BCAP31: variants seen among roughly 807,000 people sequenced by gnomAD.
BCAP31 encodes B-cell receptor-associated protein 31.
For synonymous variants in BCAP31, 75 were observed against 80.9 expected (o/e 0.93, Z 0.39); for missense variants, 124 against 193.0 (o/e 0.64, Z 2.12).
chrX:153,703,014 C>T lies in BCAP31; in HGVS notation c.522G>A (p.Glu174=). The change falls in exon 6 of 8, where the codon GAG becomes GAA. Residue 174 remains glutamate (E), a synonymous_variant. Coordinates refer to ENST00000345046, the MANE Select transcript of BCAP31 (RefSeq NM_001256447.2). ...TCCTGTTCTCTTCCTCCAACTTCAC[C>T]TCAGCATTCCCGACATCCAACTTGC... ...DGGKLDVGNA[E]VKLEEENRSL... 2.5e-6 allele frequency: 3 copies of T among 1,210,286 alleles called. No individual in the cohort carries two copies. Among genetic ancestry groups the T allele is most frequent in the Non-Finnish European group, 3.4e-6 (3 of 895,374 alleles).
chrX:153,707,595 G>A (rs1270171932), intron 4 of BCAP31, among the ~76,000 whole-genome samples: 2 of 112,007 alleles, frequency 1.8e-5, no homozygotes, highest in African/African-American at 6.5e-5. Context: ...CAACAGAGGA[G>A]ACAGAAGACA....
At chrX:153,721,588 T>C (rs2091667268) in intron 2 of BCAP31, among the ~76,000 whole-genome samples, 1 of 100,414 alleles carries the variant, frequency 1.0e-5, no homozygotes, top group African/African-American at 3.7e-5. Context: ...GGAAAACTAA[T>C]CTTAAACGTG....
chrX:153,701,994 C>T lies in BCAP31; in HGVS notation c.702+13G>A, dbSNP rs369919013. The T allele has an allele frequency of 1.1e-4, 137 of 1,205,323 alleles. No individual in the cohort carries two copies. Among genetic ancestry groups the T allele is most frequent in the African/African-American group, 9.8e-4 (56 of 57,381 alleles). On this transcript the variant is annotated intron_variant, in intron 7 of 7. Transcript: ENST00000345046. ...CTCTCCTGCCCTGGGCGCAGCAATA[C>T]GGGAGGGCTGACCTGCAGCTTTGCG...
At chrX:153,716,532 A>T (rs934641319) in intron 3 of BCAP31, among the ~76,000 whole-genome samples, 1 of 103,082 alleles carries the variant, frequency 9.7e-6, no homozygotes, top group Non-Finnish European at 2.0e-5. Flanking sequence ...CTTGAGGCCA[A>T]CGAGTTCAAG....
intron 4 of BCAP31, among the ~76,000 whole-genome samples, chrX:153,708,202 G>A (rs781900978): frequency 2.7e-5 from 3 of 112,410 alleles, no homozygotes; most frequent in East Asian, 2.8e-4. Context: ...CAGGGCTATC[G>A]TGCTTTTATA....
chrX:153,717,924 A>C (rs192550211), intron 3 of BCAP31, among the ~76,000 whole-genome samples: 372 of 112,720 alleles, frequency 3.3e-3, no homozygotes, highest in Middle Eastern at 9.1e-3. Flanking sequence ...AAGTATTTGC[A>C]TAAATTTGCA....
intron 4 of BCAP31, 59 bp downstream of exon 4, chrX:153,715,483 T>C: frequency 8.5e-7 from 1 of 1,180,408 alleles, no homozygotes; most frequent in Non-Finnish European, 1.1e-6. Context: ...CTGAGCTCGG[T>C]GTCCATGGCT....
intron 1 of BCAP31, chrX:153,723,560 T>A (rs986827369): frequency 1.2e-5 from 14 of 1,168,148 alleles, no homozygotes; most frequent in Non-Finnish European, 1.6e-5. Flanking sequence ...CTCCCGACGA[T>A]CCCTGCCCCA....
intron 5 of BCAP31, among the ~76,000 whole-genome samples, chrX:153,703,330 CTGGCCCT>C (rs1397371407): frequency 8.9e-6 from 1 of 112,472 alleles, no homozygotes; most frequent in Non-Finnish European, 1.9e-5. Flanking sequence ...CCCCTGGCCC[CTGGCCCT>C]GCCTCCTTCC....
intron 2 of BCAP31, 100 bp from the exon 3 acceptor site, chrX:153,721,072 A>G (rs1362927785): frequency 7.5e-6 from 5 of 666,495 alleles, no homozygotes; most frequent in South Asian, 5.5e-5. Flanking sequence ...CTCTTCTCCA[A>G]TGGCCGAATA....
At chrX:153,705,882 T>C (rs1307962699) in intron 4 of BCAP31, among the ~76,000 whole-genome samples, 2 of 112,069 alleles carry the variant, frequency 1.8e-5, no homozygotes, top group African/African-American at 3.2e-5. Context: ...CGGCTGCTGG[T>C]GAGTGCCCAT....
chrX:153,721,198 G>C, intron 2 of BCAP31: 1 of 355,684 alleles, frequency 2.8e-6, no homozygotes, highest in Non-Finnish European at 4.9e-6. Context: ...CACTTTGGGA[G>C]ACCAAGGTGG....
At chrX:153,704,967 T>G (rs1557048101) in intron 4 of BCAP31, 1 of 111,938 alleles carries the variant, frequency 8.9e-6, no homozygotes, top group African/African-American at 3.3e-5. Context: ...GAATGGCCAC[T>G]TCATTTCCCT....
intron 1 of BCAP31, chrX:153,724,004 A>C: frequency 2.7e-6 from 1 of 371,995 alleles, no homozygotes; most frequent in Non-Finnish European, 5.1e-6. Flanking sequence ...CTCAGAAGCC[A>C]GGGGTCCTTA....
rs994895923 is a variant in BCAP31, at chrX:153,718,413, T to C, written c.193+2459A>G. Among the ~76,000 whole-genome samples the C allele has an allele frequency of 3.6e-5, 4 of 110,444 alleles. No homozygotes were observed. In the Admixed American group the frequency reaches 3.9e-4, roughly 11 times the overall value. On this transcript the variant is annotated intron_variant, in intron 3 of 7. Transcript: ENST00000345046. The stretch of plus-strand genomic sequence containing the variant: ...TAGGCTCTGCTATGGACAGCAGTCT[T>C]ATCTCAGAGCTGTGCTACCAGCTCA...
Position 153,711,726 on chromosome X carries a change from G to A in BCAP31, c.341+3816C>T, listed in dbSNP as rs190568879. Among the ~76,000 whole-genome samples the A allele has an allele frequency of 4.6e-4, 51 of 110,521 alleles. 1 individual carries two copies. Among genetic ancestry groups the A allele is most frequent in the African/African-American group, 1.6e-3 (48 of 30,452 alleles). On this transcript the variant is annotated intron_variant, in intron 4 of 7. Coordinates refer to ENST00000345046, the MANE Select transcript of BCAP31 (RefSeq NM_001256447.2). ...AGAGACGACCAGCCTGGCCAACAGG[G>A]CAAAACCGTCTCTACTAAAAATACA...
At chrX:153,723,696 A>C (rs1557051630) in intron 1 of BCAP31, 1 of 1,150,488 alleles carries the variant, frequency 8.7e-7, no homozygotes. Context: ...GGCAGAACTC[A>C]GCCGCAGAGG....
chrX:153,719,207 G>A (rs1557050588), intron 3 of BCAP31, among the ~76,000 whole-genome samples: 1 of 111,597 alleles, frequency 9.0e-6, no homozygotes, highest in African/African-American at 3.3e-5. Flanking sequence ...GAAGGGGCAA[G>A]ACCCTGAGGG....
intron 4 of BCAP31, chrX:153,715,327 G>A (rs1557049885): frequency 2.2e-5 from 10 of 458,753 alleles, no homozygotes; most frequent in East Asian, 3.8e-5. Flanking sequence ...AGGGTCTTCT[G>A]ATATTTCAGG....
Sources: gnomAD v4.1 joint callset for allele counts (sites outside exome capture counted in the v4.1 genomes callset) on GRCh38, gnomAD v4.1.1 for gene constraint, MANE v1.5 for transcripts, NCBI Gene and HGNC (gene_info 2026-07-23, HGNC 2026-07-21) for gene names.